The following YAP1 variants were observed in gnomAD, a reference collection of about 807,000 sequenced individuals.
YAP1 encodes the protein transcriptional coactivator YAP1.
In YAP1, 5 loss-of-function variants were observed where a neutral mutation model predicts 56.9. That is an observed-to-expected ratio of 0.09 (90% confidence interval 0.05 to 0.18). YAP1 has a LOEUF of 0.18. Ranked by LOEUF, YAP1 falls within the 10% of genes least tolerant of loss-of-function variation. The probability of loss-of-function intolerance (pLI) is 1.00; values close to 1 mark genes in which losing one functional copy is unlikely to be tolerated. For missense variants in YAP1, 539 were observed against 651.8 expected (o/e 0.83, Z 1.88); for synonymous variants, 265 against 248.1 (o/e 1.07, Z -0.64).
At chr11:102,120,295 C>T (rs1943570915) in intron 2 of YAP1, among the ~76,000 whole-genome samples, 1 of 152,196 alleles carries the variant, frequency 6.6e-6, no homozygotes, top group Non-Finnish European at 1.5e-5. Flanking sequence ...CCCCACCTCC[C>T]CTTTAATATT....
rs202174125 is a variant in YAP1 at position 102,233,357 on chromosome 11, A to AT, written c.*3423dup. On this transcript the variant is annotated 3_prime_UTR_variant, in exon 9 of 9. Coordinates refer to ENST00000282441, the MANE Select transcript of YAP1 (RefSeq NM_001130145.3). ...AGGTACTTACATAAATTGTTACATTATTTTTTCTTATGTAATACCTTTTTG... is the reference window on the plus strand; with the variant it reads ...AGGTACTTACATAAATTGTTACATTATTTTTTTCTTATGTAATACCTTTTTG... 11 of 151,738 alleles carry AT rather than the reference A, an allele frequency of 7.2e-5. No homozygotes were observed. In the East Asian group the frequency reaches 2.1e-3, roughly 29 times the overall value. 9.4% of individuals were successfully genotyped at this position (151,738 alleles called of 1,614,324 possible). A position where few individuals can be genotyped will look rare whatever the true frequency, so the allele number is the denominator to read the frequency against.
chr11:102,116,477 A>G (rs1227174191), intron 2 of YAP1, among the ~76,000 whole-genome samples: 1 of 152,172 alleles, frequency 6.6e-6, no homozygotes, highest in African/African-American at 2.4e-5. Flanking sequence ...TTGTGAAGAA[A>G]TGTTTCTCTT....
Position 102,116,071 on chromosome 11 carries a change from T to C in YAP1, c.572+1677T>C, listed in dbSNP as rs1337748068. ...CGATTTCATTATTTTGAATGAATGA[T>C]CTTTTTTTGAGCTGAAATCAGTATT... On this transcript the variant is annotated intron_variant, in intron 2 of 8. Transcript: ENST00000282441. 2.6e-5 allele frequency among the ~76,000 whole-genome samples: 4 copies of C among 152,226 alleles called. No homozygotes were observed. The East Asian group carries it at 7.7e-4, about 29-fold the overall frequency.
chr11:102,138,309 G>A (rs1012342564), intron 2 of YAP1, among the ~76,000 whole-genome samples: 1 of 152,232 alleles, frequency 6.6e-6, no homozygotes, highest in Non-Finnish European at 1.5e-5. Context: ...CAGTTCTTCT[G>A]CTGATACTGC....
chr11:102,141,692 T>G (rs900388695), intron 2 of YAP1, among the ~76,000 whole-genome samples: 5 of 152,232 alleles, frequency 3.3e-5, no homozygotes, highest in African/African-American at 1.2e-4. Context: ...TAACAACATG[T>G]AATTTTAGTA....
chr11:102,180,045 C>T (rs1325093157), intron 3 of YAP1, among the ~76,000 whole-genome samples: 2 of 140,674 alleles, frequency 1.4e-5, no homozygotes, highest in Non-Finnish European at 3.0e-5. Context: ...GTCTCGCATC[C>T]GTCGTCCAGG....
At chr11:102,149,012 G>A (rs1199463065) in intron 2 of YAP1, among the ~76,000 whole-genome samples, 1 of 152,034 alleles carries the variant, frequency 6.6e-6, no homozygotes, top group Non-Finnish European at 1.5e-5. Context: ...TTACTGCTTT[G>A]TGTGGTATTC....
chr11:102,182,629 G>T (rs1389627226), intron 3 of YAP1, among the ~76,000 whole-genome samples: 2 of 152,256 alleles, frequency 1.3e-5, no homozygotes, highest in East Asian at 1.9e-4. Context: ...TATCTGTATT[G>T]TTCCATTAAC....
intron 2 of YAP1, among the ~76,000 whole-genome samples, chr11:102,144,891 T>A (rs982134856): frequency 6.7e-6 from 1 of 149,944 alleles, no homozygotes; most frequent in African/African-American, 2.5e-5. Context: ...CACACACTCA[T>A]GCTCACACAC....
chr11:102,209,547 A>G lies in YAP1; in HGVS notation c.1015A>G (p.Asn339Asp), dbSNP rs183492039. 6.3e-7 allele frequency: 1 copy of G among 1,599,820 alleles called. No homozygotes were observed. The highest frequency in any genetic ancestry group is 2.2e-5 in the East Asian group (1 of 44,594). The change falls in exon 6 of 9, where the codon AAT (asparagine) becomes GAT (aspartate). Residue 339 changes from asparagine to aspartate, a missense_variant. Transcript: ENST00000282441. ...AMRNINPSTA[N>D]SPKCQELALR... ...GCGGAATATCAATCCCAGCACAGCA[A>G]ATTCTCCAAAATGTCAGGTAGGCTC...
intron 3 of YAP1, among the ~76,000 whole-genome samples, chr11:102,173,840 C>G (rs917443695): frequency 6.6e-6 from 1 of 152,148 alleles, no homozygotes; most frequent in Non-Finnish European, 1.5e-5. Context: ...ATTTTTTAAT[C>G]AAGTAAGCCA....
chr11:102,186,847 T>TGTG (rs1555013227), intron 4 of YAP1, among the ~76,000 whole-genome samples: 1 of 151,344 alleles, frequency 6.6e-6, no homozygotes, highest in African/African-American at 2.4e-5. Flanking sequence ...TGTGTGTGTG[T>TGTG]TTTAAACTGT....
rs146560452 is a variant in YAP1, at chr11:102,111,839, C to G, written c.321+670C>G. Among the ~76,000 whole-genome samples the G allele has an allele frequency of 2.0e-3, 304 of 152,202 alleles. 1 individual carries two copies. The highest frequency in any genetic ancestry group is 0.01 in the Middle Eastern group (3 of 294). ...CCTTCCCCCCTCCCGTTTCCCCTCC[C>G]CCTCCCGTAAGCATTTATTTTCCTC... On this transcript the variant is annotated intron_variant, in intron 1 of 8. Transcript: ENST00000282441.
chr11:102,118,730 G>T (rs1227259991), intron 2 of YAP1, among the ~76,000 whole-genome samples: 19 of 138,200 alleles, frequency 1.4e-4, no homozygotes, highest in Admixed American at 1.1e-3. Flanking sequence ...CAGCCTGGGC[G>T]ACAGAGCCAG....
intron 2 of YAP1, among the ~76,000 whole-genome samples, chr11:102,142,674 A>G (rs1262418098): frequency 2.6e-5 from 4 of 152,240 alleles, no homozygotes; most frequent in African/African-American, 9.6e-5. Flanking sequence ...TGTATGTGTC[A>G]CTTTCCATAG....
chr11:102,176,946 T>A (rs1020863247), intron 3 of YAP1, among the ~76,000 whole-genome samples: 13 of 151,792 alleles, frequency 8.6e-5, no homozygotes, highest in Non-Finnish European at 1.8e-4. Flanking sequence ...ACTAAAGTGA[T>A]AGAATCATCT....
intron 3 of YAP1, among the ~76,000 whole-genome samples, chr11:102,170,554 T>C (rs1315182314): frequency 6.6e-6 from 1 of 152,322 alleles, no homozygotes; most frequent in Non-Finnish European, 1.5e-5. Flanking sequence ...AACTCAAGAC[T>C]GTTGAGTGCT....
intron 2 of YAP1, among the ~76,000 whole-genome samples, chr11:102,137,879 CTTTT>C (rs901038833): frequency 1.4e-5 from 2 of 146,880 alleles, no homozygotes; most frequent in Admixed American, 6.8e-5. Flanking sequence ...GAACTAAGTT[CTTTT>C]TTTTTTCTTT....
At chr11:102,156,767 T>C (rs1945975574) in intron 2 of YAP1, among the ~76,000 whole-genome samples, 1 of 152,216 alleles carries the variant, frequency 6.6e-6, no homozygotes, top group Non-Finnish European at 1.5e-5. Flanking sequence ...GGATCAAGAT[T>C]GAGAGAACTG....
Sources: allele counts gnomAD v4.1 joint callset (sites outside exome capture counted in the v4.1 genomes callset), GRCh38; gene constraint gnomAD v4.1.1; transcripts MANE v1.5; gene names NCBI Gene and HGNC (gene_info 2026-07-23, HGNC 2026-07-21).